Variants in ANK3 observed in about 807,000 individuals in gnomAD.
ANK3 encodes ankyrin 3, also known as ankyrin-3.
ANK3 carries 57 observed loss-of-function variants against 370.9 expected under a neutral mutation model. The ratio of observed to expected loss-of-function variants is 0.15; its 90% CI spans 0.12 to 0.19. The LOEUF is 0.19. Ranked by LOEUF, ANK3 falls within the 10% of genes least tolerant of loss-of-function variation. The probability of loss-of-function intolerance (pLI) is 1.00; values close to 1 mark genes in which losing one functional copy is unlikely to be tolerated. For missense variants in ANK3, 4,439 were observed against 5,302.1 expected (o/e 0.84, Z 5.06); for synonymous variants, 1,929 against 1,946.3 (o/e 0.99, Z 0.23).
At chr10:60,164,962 C>G (rs1028525622) in intron 23 of ANK3, among the ~76,000 whole-genome samples, 3 of 152,066 alleles carry the variant, frequency 2.0e-5, no homozygotes, top group African/African-American at 7.2e-5. Flanking sequence ...TTCAAATTCC[C>G]AAGCTGAGAT....
At chr10:60,115,861 A>G (rs989541720) in intron 25 of ANK3, among the ~76,000 whole-genome samples, 2 of 152,204 alleles carry the variant, frequency 1.3e-5, no homozygotes, top group African/African-American at 4.8e-5. Context: ...ATAAAGTAGA[A>G]GCTGTATTTG....
chr10:60,243,952 A>G (rs2097514985), intron 7 of ANK3, among the ~76,000 whole-genome samples: 1 of 152,152 alleles, frequency 6.6e-6, no homozygotes, highest in Non-Finnish European at 1.5e-5. Context: ...GCAAAGCTGG[A>G]GTTGATTTAA....
chr10:60,096,874 G>A (rs984126333), intron 28 of ANK3, among the ~76,000 whole-genome samples: 3 of 152,188 alleles, frequency 2.0e-5, no homozygotes, highest in Admixed American at 6.5e-5. Context: ...TTGCTGTAAA[G>A]TAAACAATAG....
intron 9 of ANK3, among the ~76,000 whole-genome samples, chr10:60,211,070 G>T (rs1481099115): frequency 2.0e-5 from 3 of 152,142 alleles, no homozygotes; most frequent in African/African-American, 7.2e-5. Context: ...AAGACAAGCT[G>T]ATTTGCCTCT....
intron 5 of ANK3, among the ~76,000 whole-genome samples, chr10:60,268,773 A>G (rs571760399): frequency 9.9e-5 from 15 of 152,258 alleles, no homozygotes; most frequent in African/African-American, 3.6e-4. Context: ...CAATTTCACC[A>G]GTATTGTAGG....
At chr10:60,287,533 T>C (rs1020652117) in intron 1 of ANK3, among the ~76,000 whole-genome samples, 3 of 152,206 alleles carry the variant, frequency 2.0e-5, no homozygotes, top group Admixed American at 2.0e-4. Flanking sequence ...ACTATATACC[T>C]GGGACCTCAC....
chr10:60,353,755 T>C (rs889318404), intron 1 of ANK3, among the ~76,000 whole-genome samples: 3 of 152,224 alleles, frequency 2.0e-5, no homozygotes, highest in African/African-American at 7.2e-5. Flanking sequence ...ACGGGCAGTT[T>C]TTAGAATGAA....
chr10:60,618,862 T>C (rs2078298600), intron 1 of ANK3, among the ~76,000 whole-genome samples: 1 of 152,092 alleles, frequency 6.6e-6, no homozygotes, highest in African/African-American at 2.4e-5. Flanking sequence ...CACCTGACCC[T>C]AAATAAATAC....
intron 8 of ANK3, among the ~76,000 whole-genome samples, chr10:60,228,402 C>T (rs906699744): frequency 6.6e-6 from 1 of 151,852 alleles, no homozygotes; most frequent in African/African-American, 2.4e-5. Context: ...GGCGAGGTGG[C>T]GTGTGCCTGT....
chr10:60,155,020 A>C (rs967243236), intron 23 of ANK3, among the ~76,000 whole-genome samples: 2 of 152,198 alleles, frequency 1.3e-5, no homozygotes, highest in Admixed American at 1.3e-4. Context: ...GAGGTAGAGA[A>C]AGATGGCTGA....
At chr10:60,387,889 C>T (rs1319650914) in intron 1 of ANK3, among the ~76,000 whole-genome samples, 1 of 152,128 alleles carries the variant, frequency 6.6e-6, no homozygotes, top group African/African-American at 2.4e-5. Flanking sequence ...ACCTAGCTAG[C>T]CTAACAACCC....
chr10:60,569,191 C>T (rs2077533564), intron 2 of ANK3, among the ~76,000 whole-genome samples: 1 of 152,138 alleles, frequency 6.6e-6, no homozygotes, highest in African/African-American at 2.4e-5. Context: ...ATATGTTATC[C>T]TGTGTCATCT....
At position 60,530,061 on chromosome 10, in the gene ANK3, C is replaced by T. The variant is rs182205352; in HGVS notation, c.96+85125G>A. ...TGAGAACGTCTCCCTCTGGCCTGACCCCTTGCAGCCAGCTGGCCTTTGCCA... is the reference window on the plus strand; with the variant it reads ...TGAGAACGTCTCCCTCTGGCCTGACTCCTTGCAGCCAGCTGGCCTTTGCCA... On this transcript the variant is annotated intron_variant, in intron 2 of 43. Coordinates refer to the ANK3 transcript ENST00000373827. Among the ~76,000 whole-genome samples, 254 of 152,276 alleles carry T rather than the reference C, an allele frequency of 1.7e-3. 1 individual carries two copies. Among genetic ancestry groups the T allele is most frequent in the African/African-American group, 5.8e-3 (241 of 41,574 alleles).
chr10:60,663,379 A>T (rs2078958958), intron 1 of ANK3, among the ~76,000 whole-genome samples: 1 of 152,194 alleles, frequency 6.6e-6, no homozygotes, highest in Admixed American at 6.5e-5. Context: ...GTTTCCACCC[A>T]AGCAGCTCTA....
chr10:60,427,516 G>T (rs933180843), intron 2 of ANK3, among the ~76,000 whole-genome samples: 2 of 151,266 alleles, frequency 1.3e-5, no homozygotes, highest in Non-Finnish European at 2.9e-5. Flanking sequence ...AGAATATAAG[G>T]TTTCGGGCCC....
At chr10:60,205,685 T>G in intron 11 of ANK3, 107 bp downstream of exon 11, 1 of 791,474 alleles carries the variant, frequency 1.3e-6, no homozygotes, top group Non-Finnish European at 2.2e-6. Context: ...TCTATGGCCA[T>G]GATATGCAAA....
chr10:60,100,234 G>GTTTTTTTTTTTTTTT lies in ANK3; in HGVS notation c.3328+5656_3328+5670dup, dbSNP rs3045340. 2.2e-4 allele frequency among the ~76,000 whole-genome samples: 13 copies of GTTTTTTTTTTTTTTT among 57,900 alleles called. 3 individuals carry two copies. Among genetic ancestry groups the GTTTTTTTTTTTTTTT allele is most frequent in the African/African-American group, 5.1e-4 (6 of 11,736 alleles). The allele number at this position is 57,900 out of a possible 152,430, so 38.0% of individuals were successfully genotyped here. A position where few individuals can be genotyped will look rare whatever the true frequency, so the allele number is the denominator to read the frequency against. ...GGCTGAAAGTCAGTATTTTGCTATGGTTTTTTTTTTTTTTTTTTTTTTGCA... is the reference window on the plus strand; with the variant it reads ...GGCTGAAAGTCAGTATTTTGCTATGGTTTTTTTTTTTTTTTTTTTTTTTTTTTTTTTTTTTTTGCA... On this transcript the variant is annotated intron_variant, in intron 28 of 43. Coordinates refer to ENST00000280772, the MANE Select transcript of ANK3 (RefSeq NM_020987.5).
Position 60,055,929 on chromosome 10 carries a change from G to T in ANK3, c.12794C>A (p.Ser4265Tyr). 1 of 1,614,120 alleles carries T rather than the reference G, an allele frequency of 6.2e-7. No individual in the cohort carries two copies. Among genetic ancestry groups the T allele is most frequent in the Non-Finnish European group, 8.5e-7 (1 of 1,180,016 alleles). The change falls in exon 42 of 44, where the codon TCT (serine) becomes TAT (tyrosine). Residue 4265 changes from serine to tyrosine, a missense_variant. Around this residue, in one of 13 missense-constraint regions of ANK3, gnomAD observed 242 missense variants for 228.0 expected, o/e 1.06. Transcript: ENST00000280772. Reference protein sequence around the residue: ...TEITPEAKTKSYFPESQNDVG... With the variant: ...TEITPEAKTKYYFPESQNDVG... ...ATCATTTTGGGATTCTGGAAAGTAA[G>T]ATTTTGTCTTTGCTTCTGGAGTGAT...
chr10:60,201,972 C>T (rs2096684992), intron 12 of ANK3, among the ~76,000 whole-genome samples: 4 of 152,080 alleles, frequency 2.6e-5, no homozygotes. Flanking sequence ...ATCTCGGCCT[C>T]CCAAAGTGCT....
Sources: gnomAD v4.1 joint callset for allele counts (sites outside exome capture counted in the v4.1 genomes callset) on GRCh38, gnomAD v4.1.1 for gene constraint, gnomAD v4.1.1 regional missense constraint, MANE v1.5 for transcripts, NCBI Gene and HGNC (gene_info 2026-07-23, HGNC 2026-07-21) for gene names.